The following NCAM2 variants were observed in gnomAD, a reference collection of about 807,000 sequenced individuals.
NCAM2 encodes N-CAM-2.
Under a neutral mutation model 98.1 loss-of-function variants are expected in NCAM2, and 30 were observed. The observed-to-expected ratio is 0.31, with a 90% CI of 0.23 to 0.41. The LOEUF (loss-of-function observed/expected upper bound fraction) is 0.41, where lower values mean the gene tolerates loss of function less well. NCAM2 is among the 10% of genes least tolerant of loss of function. NCAM2 has a pLI of 1.00. For missense variants in NCAM2, 867 were observed against 1,005.8 expected (o/e 0.86, Z 1.87); for synonymous variants, 368 against 342.4 (o/e 1.07, Z -0.83).
chr21:21,157,501 G>A (rs1478688103), intron 1 of NCAM2, among the ~76,000 whole-genome samples: 5 of 152,070 alleles, frequency 3.3e-5, no homozygotes, highest in Non-Finnish European at 1.5e-5. Flanking sequence ...TGATCAAAAA[G>A]CAATTACATA....
intron 1 of NCAM2, among the ~76,000 whole-genome samples, chr21:21,139,104 T>G (rs1213093055): frequency 6.6e-6 from 1 of 152,198 alleles, no homozygotes; most frequent in East Asian, 1.9e-4. Flanking sequence ...CCGGATTCTC[T>G]GGGTGGGCTC....
intron 17 of NCAM2, among the ~76,000 whole-genome samples, chr21:21,535,431 A>G (rs1314251236): frequency 1.3e-5 from 2 of 152,120 alleles, no homozygotes; most frequent in African/African-American, 4.8e-5. Flanking sequence ...TTATTTTTGT[A>G]ACACCTAATA....
Position 21,335,544 on chromosome 21 carries a change from G to A in NCAM2, c.777G>A (p.Leu259=). 3.7e-6 allele frequency: 6 copies of A among 1,607,918 alleles called. No individual in the cohort carries two copies. The highest frequency in any genetic ancestry group is 5.1e-6 in the Non-Finnish European group (6 of 1,177,028). Residue 259 remains leucine (L), a synonymous_variant, in exon 7 of 18, where the codon TTG becomes TTA. Transcript: ENST00000400546. Reference sequence around the variant, plus strand: ...TTGAAGAAAATGAGAAGTACATATTGAAAGGGAGCAATACAGAACTCACTG... The same window carrying A: ...TTGAAGAAAATGAGAAGTACATATTAAAAGGGAGCAATACAGAACTCACTG... ...KLIEENEKYI[L]KGSNTELTVR...
intron 1 of NCAM2, among the ~76,000 whole-genome samples, chr21:21,016,670 T>C (rs1349919099): frequency 7.9e-5 from 12 of 152,152 alleles, no homozygotes; most frequent in Admixed American, 7.9e-4. Flanking sequence ...GGCTATGTTC[T>C]GGGCACTTTC....
chr21:21,235,240 A>G (rs2070773592), intron 1 of NCAM2, among the ~76,000 whole-genome samples: 1 of 152,018 alleles, frequency 6.6e-6, no homozygotes, highest in African/African-American at 2.4e-5. Flanking sequence ...AATCAATTCA[A>G]TTTTTTATAA....
intron 16 of NCAM2, among the ~76,000 whole-genome samples, chr21:21,522,914 G>A (rs1989112328): frequency 6.6e-6 from 1 of 152,064 alleles, no homozygotes; most frequent in South Asian, 2.1e-4. Flanking sequence ...GTGAGCCACT[G>A]TGCCTGGCCC....
At chr21:21,100,034 C>T (rs557419049) in intron 1 of NCAM2, among the ~76,000 whole-genome samples, 4 of 151,768 alleles carry the variant, frequency 2.6e-5, no homozygotes, top group African/African-American at 9.7e-5. Context: ...TCTACCTTTC[C>T]AACTGACCAT....
intron 1 of NCAM2, among the ~76,000 whole-genome samples, chr21:21,254,898 T>TTGTGTG (rs34003442): frequency 5.4e-5 from 8 of 147,888 alleles, no homozygotes; most frequent in African/African-American, 2.0e-4. Context: ...GGATAATAGT[T>TTGTGTG]TGTGTGTGTG....
chr21:21,144,192 A>G (rs1274337124), intron 1 of NCAM2, among the ~76,000 whole-genome samples: 1 of 151,850 alleles, frequency 6.6e-6, no homozygotes, highest in Admixed American at 6.6e-5. Context: ...CACTAAAAAT[A>G]TAAAAAATTA....
At chr21:21,363,054 TA>T (rs2075688290) in intron 8 of NCAM2, among the ~76,000 whole-genome samples, 1 of 152,164 alleles carries the variant, frequency 6.6e-6, no homozygotes, top group African/African-American at 2.4e-5. Flanking sequence ...ATTAAATTTT[TA>T]GTAGCATATT....
chr21:21,303,841 G>T (rs1391918981), intron 5 of NCAM2, among the ~76,000 whole-genome samples: 1 of 152,130 alleles, frequency 6.6e-6, no homozygotes, highest in African/African-American at 2.4e-5. Context: ...GTTTCATGTT[G>T]TGGATTTAAT....
At chr21:21,349,904 AATGG>A (rs2075288936) in intron 8 of NCAM2, among the ~76,000 whole-genome samples, 1 of 152,164 alleles carries the variant, frequency 6.6e-6, no homozygotes, top group Non-Finnish European at 1.5e-5. Context: ...ATAATAGAAG[AATGG>A]TAACCAGATG....
intron 1 of NCAM2, 23 bp downstream of exon 1, chr21:20,998,641 C>T: frequency 6.2e-7 from 1 of 1,611,130 alleles, no homozygotes; most frequent in Non-Finnish European, 8.5e-7. Flanking sequence ...CGCTTTATTG[C>T]ATTTACTTTC....
At chr21:21,040,904 A>G (rs944034425) in intron 1 of NCAM2, among the ~76,000 whole-genome samples, 3 of 152,178 alleles carry the variant, frequency 2.0e-5, no homozygotes, top group Non-Finnish European at 1.5e-5. Context: ...GTATCTTCAG[A>G]TAGCAAGAAG....
intron 5 of NCAM2, among the ~76,000 whole-genome samples, chr21:21,318,208 G>A (rs1345801973): frequency 6.6e-6 from 1 of 152,126 alleles, no homozygotes; most frequent in Non-Finnish European, 1.5e-5. Flanking sequence ...TACGCTGAAA[G>A]AATATAAAAA....
chr21:21,055,384 C>T (rs550818250), intron 1 of NCAM2, among the ~76,000 whole-genome samples: 15 of 152,042 alleles, frequency 9.9e-5, no homozygotes, highest in African/African-American at 3.6e-4. Flanking sequence ...TCTTGTGATC[C>T]AACAACTTAT....
Position 21,049,263 on chromosome 21 carries a change from C to T in NCAM2, c.55+50645C>T, listed in dbSNP as rs547056489. Among the ~76,000 whole-genome samples, 677 of 151,528 alleles carry T rather than the reference C, an allele frequency of 4.5e-3. 3 individuals are homozygous for T. Among genetic ancestry groups the T allele is most frequent in the African/African-American group, 0.015 (620 of 41,334 alleles). ...CTCGATCTCCTGACCTCATGATCCA[C>T]CCGCCTCGGCCTCGCATATTTCCTT... is the stretch of plus-strand genomic sequence containing the variant. On this transcript the variant is annotated intron_variant, in intron 1 of 17. Coordinates refer to ENST00000400546, the MANE Select transcript of NCAM2 (RefSeq NM_004540.5).
In NCAM2 at chr21:21,466,738, C is replaced by G; in HGVS notation, c.1774+13C>G. On this transcript the variant is annotated intron_variant, in intron 13 of 17. Coordinates refer to ENST00000400546, the MANE Select transcript of NCAM2 (RefSeq NM_004540.5). ...ACATTACCAGTTCGTAAGTAATCAT[C>G]TCTATTTTTTATTCTCTTTTGTCAT... The G allele has an allele frequency of 6.3e-7, 1 of 1,589,608 alleles. No individual in the cohort carries two copies.
chr21:21,291,026 G>A (rs2073272303), intron 4 of NCAM2, among the ~76,000 whole-genome samples: 1 of 106,930 alleles, frequency 9.4e-6, no homozygotes, highest in East Asian at 2.9e-4. Flanking sequence ...AGGGAAAAAA[G>A]CAGTACACAT....
Sources: allele counts gnomAD v4.1 joint callset (sites outside exome capture counted in the v4.1 genomes callset), GRCh38; gene constraint gnomAD v4.1.1; transcripts MANE v1.5; gene names NCBI Gene and HGNC (gene_info 2026-07-23, HGNC 2026-07-21).